SLC36A4: variants seen among roughly 807,000 people sequenced by gnomAD.
SLC36A4 encodes the protein solute carrier family 36 member 4, also known as neutral amino acid uniporter 4.
Under a neutral mutation model 50.5 loss-of-function variants are expected in SLC36A4, and 49 were observed. The ratio of observed to expected loss-of-function variants is 0.97; its 90% confidence interval spans 0.77 to 1.23. The LOEUF (loss-of-function observed/expected upper bound fraction) is 1.23, where lower values mean the gene tolerates loss of function less well. SLC36A4 is among the 50% of genes most tolerant of loss of function. The probability of loss-of-function intolerance (pLI) is 0.00; values close to 1 mark genes in which losing one functional copy is unlikely to be tolerated. For missense variants in SLC36A4, 611 were observed against 608.4 expected (o/e 1.00, Z -0.05); for synonymous variants, 207 against 206.5 (o/e 1.00, Z -0.02).
At chr11:93,181,660 A>G (rs1294409018) in intron 5 of SLC36A4, 31 bp downstream of exon 5, 2 of 1,435,648 alleles carry the variant, frequency 1.4e-6, no homozygotes, top group Non-Finnish European at 1.8e-6. Flanking sequence ...AATTTTAACA[A>G]TCATATATTA....
intron 1 of SLC36A4, among the ~76,000 whole-genome samples, chr11:93,188,834 C>T (rs1306583657): frequency 6.6e-6 from 1 of 152,088 alleles, no homozygotes; most frequent in Non-Finnish European, 1.5e-5. Flanking sequence ...TTTATTGCCT[C>T]AAAGTTCTAG....
chr11:93,152,059 A>C (rs1456946877), intron 10 of SLC36A4: 1 of 152,126 alleles, frequency 6.6e-6, no homozygotes, highest in Admixed American at 6.6e-5. Context: ...ATCATGATTC[A>C]AATGCTAAAT....
chr11:93,155,135 A>G (rs1337868905), intron 9 of SLC36A4: 2 of 152,156 alleles, frequency 1.3e-5, no homozygotes, highest in Non-Finnish European at 2.9e-5. Context: ...TCCACTCTTT[A>G]GGGTTGCAGA....
At chr11:93,161,207 G>A (rs1228841192) in intron 9 of SLC36A4, among the ~76,000 whole-genome samples, 5 of 152,100 alleles carry the variant, frequency 3.3e-5, no homozygotes, top group African/African-American at 1.2e-4. Context: ...TATTTGAAAA[G>A]ATGAACTTAC....
intron 1 of SLC36A4, among the ~76,000 whole-genome samples, chr11:93,188,455 CTG>C (rs1375355271): frequency 6.6e-6 from 1 of 152,124 alleles, no homozygotes; most frequent in Non-Finnish European, 1.5e-5. Flanking sequence ...TTCCAAATTC[CTG>C]AAGTCAAAAC....
rs185555108 is a variant in SLC36A4 at position 93,146,411 on chromosome 11, C to T, written c.*2126G>A. Reference sequence around the variant, plus strand: ...TATAATACTAGTTTCAGTGAAGATTCGTTTTCCTATAACTTCTTCTGCATT... The same window carrying T: ...TATAATACTAGTTTCAGTGAAGATTTGTTTTCCTATAACTTCTTCTGCATT... On this transcript the variant is annotated 3_prime_UTR_variant, in exon 11 of 11. Transcript: ENST00000326402. 5.2e-3 allele frequency: 798 copies of T among 152,018 alleles called. 7 individuals carry two copies. The highest frequency in any genetic ancestry group is 0.018 in the African/African-American group (755 of 41,518). The allele number at this position is 152,018 out of a possible 1,614,324, so 9.4% of individuals were successfully genotyped here.
At chr11:93,156,344 A>AT (rs979892338) in intron 9 of SLC36A4, among the ~76,000 whole-genome samples, 8 of 148,054 alleles carry the variant, frequency 5.4e-5, no homozygotes, top group African/African-American at 7.5e-5. Context: ...AATGTTGAGC[A>AT]TTTTTTTTTC....
At chr11:93,181,889 T>C (rs1861755616) in intron 4 of SLC36A4, 103 bp from the exon 5 acceptor site, 1 of 991,222 alleles carries the variant, frequency 1.0e-6, no homozygotes, top group Non-Finnish European at 1.4e-6. Context: ...AATTAATAAA[T>C]GCAAGGCTAT....
chr11:93,197,519 AAC>A (rs1299282044), intron 1 of SLC36A4: 8 of 529,744 alleles, frequency 1.5e-5, no homozygotes, highest in Non-Finnish European at 3.3e-6. Context: ...CGCCCCACTC[AAC>A]ACACACACTC....
At chr11:93,168,235 A>G (rs1860973913) in intron 6 of SLC36A4, 64 bp from the exon 7 acceptor site, 11 of 910,716 alleles carry the variant, frequency 1.2e-5, no homozygotes, top group Non-Finnish European at 1.5e-5. Context: ...CAATCATAAA[A>G]CACATGTACA....
At chr11:93,177,260 T>C (rs886799364) in intron 6 of SLC36A4, among the ~76,000 whole-genome samples, 2 of 152,236 alleles carry the variant, frequency 1.3e-5, no homozygotes, top group Admixed American at 6.5e-5. Context: ...AGCTTGTGAA[T>C]GTGTCACGTA....
chr11:93,172,317 T>C, intron 6 of SLC36A4, among the ~76,000 whole-genome samples: 1 of 152,194 alleles, frequency 6.6e-6, no homozygotes, highest in Admixed American at 6.5e-5. Flanking sequence ...GTAAGTTCTT[T>C]AGTGGTGATT....
In SLC36A4 at chr11:93,146,651, AAT is replaced by A; in HGVS notation, c.*1884_*1885del. 1 of 152,096 alleles carries A rather than the reference AAT, an allele frequency of 6.6e-6. No homozygotes were observed. Among genetic ancestry groups the A allele is most frequent in the East Asian group, 1.9e-4 (1 of 5,184 alleles). The allele number at this position is 152,096 out of a possible 1,614,324, so 9.4% of individuals were successfully genotyped here. The stretch of plus-strand genomic sequence containing the variant: ...AACTAAGTTAACATTTACATATAAA[AAT>A]AGAGAATATATACAACTATAGTGAT... On this transcript the variant is annotated 3_prime_UTR_variant, in exon 11 of 11. Coordinates refer to ENST00000326402, the MANE Select transcript of SLC36A4 (RefSeq NM_152313.4).
At chr11:93,174,889 G>C (rs1196138937) in intron 6 of SLC36A4, among the ~76,000 whole-genome samples, 1 of 140,434 alleles carries the variant, frequency 7.1e-6, no homozygotes, top group Non-Finnish European at 1.5e-5. Context: ...GTTCATCAAG[G>C]ATATTGGTCT....
chr11:93,158,520 A>G (rs964602453), intron 9 of SLC36A4, among the ~76,000 whole-genome samples: 2 of 152,104 alleles, frequency 1.3e-5, no homozygotes, highest in African/African-American at 4.8e-5. Flanking sequence ...AATGGTGTGG[A>G]TCTTTTAGAA....
chr11:93,163,187 CT>C (rs753861198), intron 8 of SLC36A4, among the ~76,000 whole-genome samples: 3 of 152,102 alleles, frequency 2.0e-5, no homozygotes, highest in Non-Finnish European at 2.9e-5. Context: ...CCATATACCC[CT>C]CACCCAGTTT....
Position 93,161,157 on chromosome 11 carries a change from T to C in SLC36A4, c.1037+1549A>G, listed in dbSNP as rs576339391. On this transcript the variant is annotated intron_variant, in intron 9 of 10. Transcript: ENST00000326402. ...ACCCGGCTCAAAATATTCTTCTAAATGAGGAAAAAATATCATTCTATTTTC... is the reference window on the plus strand; with the variant it reads ...ACCCGGCTCAAAATATTCTTCTAAACGAGGAAAAAATATCATTCTATTTTC... Among the ~76,000 whole-genome samples, 9 of 152,214 alleles carry C rather than the reference T, an allele frequency of 5.9e-5. No individual in the cohort carries two copies. The South Asian group carries it at 1.9e-3, about 32-fold the overall frequency.
rs1859924736 is a variant in SLC36A4 at position 93,148,345 on chromosome 11, A to C, written c.*192T>G. On this transcript the variant is annotated 3_prime_UTR_variant, in exon 11 of 11. Coordinates refer to ENST00000326402, the MANE Select transcript of SLC36A4 (RefSeq NM_152313.4). Reference sequence around the variant, plus strand: ...CTTAATTTTTTGAACTATTGCTAACACTTAAAAGCAAGGATTTTTCATAGG... The same window carrying C: ...CTTAATTTTTTGAACTATTGCTAACCCTTAAAAGCAAGGATTTTTCATAGG... 2.1e-6 allele frequency: 1 copy of C among 477,612 alleles called. No homozygotes were observed. 29.6% of individuals were successfully genotyped at this position (477,612 alleles called of 1,614,324 possible). A position where few individuals can be genotyped will look rare whatever the true frequency, so the allele number is the denominator to read the frequency against.
At chr11:93,176,159 T>C (rs1861460120) in intron 6 of SLC36A4, among the ~76,000 whole-genome samples, 1 of 151,808 alleles carries the variant, frequency 6.6e-6, no homozygotes, top group African/African-American at 2.4e-5. Context: ...ATATTTAGGA[T>C]AGTTAGCTCT....
Sources: gnomAD v4.1 joint callset for allele counts (sites outside exome capture counted in the v4.1 genomes callset) on GRCh38, gnomAD v4.1.1 for gene constraint, MANE v1.5 for transcripts, NCBI Gene and HGNC (gene_info 2026-07-23, HGNC 2026-07-21) for gene names.